The following NID2 variants were observed in gnomAD, a reference collection of about 807,000 sequenced individuals.
NID2 encodes the protein nidogen 2.
NID2 carries 83 observed loss-of-function variants against 145.4 expected under a neutral mutation model. The observed-to-expected ratio is 0.57, with a 90% CI of 0.48 to 0.69. NID2 has a LOEUF of 0.69. Among genes scored for constraint, NID2 ranks in the 30% least tolerant of loss-of-function variants. NID2 has a pLI of 0.00. For synonymous variants in NID2, 739 were observed against 701.3 expected (o/e 1.05, Z -0.85); for missense variants, 1,807 against 1,765.7 (o/e 1.02, Z -0.42).
chr14:52,068,310 C>G (rs1262811574), intron 1 of NID2, 147 bp from the exon 2 acceptor site: 1 of 837,480 alleles, frequency 1.2e-6, no homozygotes, highest in African/African-American at 1.7e-5. Context: ...GGGAAACAAG[C>G]GCAACTTTTG....
intron 10 of NID2, 137 bp from the exon 11 acceptor site, chr14:52,028,987 T>C: frequency 2.5e-6 from 2 of 802,866 alleles, no homozygotes; most frequent in Non-Finnish European, 3.7e-6. Flanking sequence ...TTTTTAAAAA[T>C]CAGATATGAA....
At chr14:52,062,562 A>G (rs188731848) in intron 2 of NID2, among the ~76,000 whole-genome samples, 2 of 152,344 alleles carry the variant, frequency 1.3e-5, no homozygotes, top group African/African-American at 2.4e-5. Flanking sequence ...AAAGAAAAGT[A>G]CTAGAGGAAG....
At chr14:52,057,451 C>T (rs1337871356) in intron 3 of NID2, among the ~76,000 whole-genome samples, 1 of 151,916 alleles carries the variant, frequency 6.6e-6, no homozygotes, top group East Asian at 1.9e-4. Context: ...ACCCATAATC[C>T]CTGCACTTTG....
intron 2 of NID2, among the ~76,000 whole-genome samples, chr14:52,061,936 A>G (rs2035074838): frequency 6.6e-6 from 1 of 152,182 alleles, no homozygotes; most frequent in African/African-American, 2.4e-5. Context: ...TTCACAAATA[A>G]TGTGACTCTT....
intron 5 of NID2, among the ~76,000 whole-genome samples, chr14:52,047,871 C>T (rs1019772098): frequency 6.6e-6 from 1 of 152,170 alleles, no homozygotes; most frequent in African/African-American, 2.4e-5. Flanking sequence ...CGGAGAGCTG[C>T]ATTTCTCCCG....
At chr14:52,022,982 T>G (rs1374160706) in intron 12 of NID2, among the ~76,000 whole-genome samples, 2 of 152,202 alleles carry the variant, frequency 1.3e-5, no homozygotes, top group African/African-American at 4.8e-5. Context: ...TTGGGCACCC[T>G]GCTGATTGTA....
At chr14:52,046,023 G>A (rs1892478378) in intron 5 of NID2, among the ~76,000 whole-genome samples, 1 of 152,134 alleles carries the variant, frequency 6.6e-6, no homozygotes, top group Admixed American at 6.5e-5. Context: ...TCTGCTATAG[G>A]TCTAAAGAAC....
intron 3 of NID2, among the ~76,000 whole-genome samples, chr14:52,058,061 C>A (rs76318951): frequency 2.6e-5 from 4 of 152,102 alleles, no homozygotes; most frequent in Non-Finnish European, 5.9e-5. Context: ...TAGGGAGAAA[C>A]GAGAATGTGA....
intron 19 of NID2, 91 bp from the exon 20 acceptor site, chr14:52,006,751 G>T (rs1890801130): frequency 7.3e-7 from 1 of 1,375,552 alleles, no homozygotes; most frequent in East Asian, 2.3e-5. Flanking sequence ...ATAGAATGGG[G>T]AAATAGGATA....
intron 14 of NID2, among the ~76,000 whole-genome samples, chr14:52,018,479 G>A (rs17124893): frequency 0.38 from 57,186 of 152,076 alleles, 11,125 homozygotes; most frequent in East Asian, 0.52. Context: ...ATGTTCTCAG[G>A]TTGTATGGGC....
intron 5 of NID2, among the ~76,000 whole-genome samples, chr14:52,049,393 G>C (rs1405487419): frequency 6.6e-6 from 1 of 152,108 alleles, no homozygotes; most frequent in African/African-American, 2.4e-5. Flanking sequence ...AAACACTTAA[G>C]CACCTGTCTG....
rs1566755739 is a variant in NID2, at chr14:52,030,585, A to AAGGAAGG, written c.2258-896_2258-895insCCTTCCT. The stretch of plus-strand genomic sequence containing the variant: ...GAAAGAAAGGAAGGAAGGGAAAGAA[A>AAGGAAGG]GAAAGAAAGAAAGAAAGAAAGAGAA... On this transcript the variant is annotated intron_variant, in intron 9 of 21. Coordinates refer to ENST00000216286, the MANE Select transcript of NID2 (RefSeq NM_007361.4). Among the ~76,000 whole-genome samples the AAGGAAGG allele has an allele frequency of 2.7e-3, 110 of 40,470 alleles. 6 individuals carry two copies. The highest frequency in any genetic ancestry group is 5.9e-3 in the East Asian group (5 of 852). 26.5% of individuals were successfully genotyped at this position (40,470 alleles called of 152,430 possible).
At chr14:52,049,180 T>TG (rs1892605126) in intron 5 of NID2, among the ~76,000 whole-genome samples, 2 of 122,744 alleles carry the variant, frequency 1.6e-5, no homozygotes, top group East Asian at 4.2e-4. Context: ...TCTCTTTTTT[T>TG]TCTATTTAAT....
Position 52,028,823 on chromosome 14 carries a change from T to A in NID2, c.2429A>T (p.His810Leu). 1 of 1,613,868 alleles carries A rather than the reference T, an allele frequency of 6.2e-7. No individual in the cohort carries two copies. Among genetic ancestry groups the A allele is most frequent in the South Asian group, 1.1e-5 (1 of 91,008 alleles). ...ACATACAGAGTTGGGGCCACAGCGATGAAAGCCAGTTGCACATTCATTTTC... is the reference window on the plus strand; with the variant it reads ...ACATACAGAGTTGGGGCCACAGCGAAGAAAGCCAGTTGCACATTCATTTTC... ...VDENECATGF[H>L]RCGPNSVCIN... is the part of the protein sequence containing the mutation. Residue 810 changes from histidine to leucine, a missense_variant, in exon 11 of 22, where the codon CAT (histidine) becomes CTT (leucine). Transcript: ENST00000216286.
intron 3 of NID2, among the ~76,000 whole-genome samples, chr14:52,058,819 C>T (rs1892935460): frequency 6.6e-6 from 1 of 151,876 alleles, no homozygotes; most frequent in Non-Finnish European, 1.5e-5. Context: ...GCCATTGTGA[C>T]CTCTCTATAA....
At chr14:52,033,617 AC>A (rs1891952704) in intron 9 of NID2, among the ~76,000 whole-genome samples, 3 of 152,246 alleles carry the variant, frequency 2.0e-5, no homozygotes, top group African/African-American at 2.4e-5. Context: ...AATTCCAACA[AC>A]TATCGTTCCC....
At chr14:52,023,247 G>A (rs867882983) in intron 12 of NID2, among the ~76,000 whole-genome samples, 2 of 151,984 alleles carry the variant, frequency 1.3e-5, no homozygotes, top group East Asian at 1.9e-4. Flanking sequence ...GAGGCTGAGG[G>A]GGGTAGATCG....
intron 21 of NID2, 85 bp downstream of exon 21, chr14:52,005,652 A>G: frequency 7.3e-7 from 1 of 1,374,834 alleles, no homozygotes; most frequent in Non-Finnish European, 1.0e-6. Context: ...TGGCAGTGTC[A>G]CAGGCAGCAG....
chr14:52,047,649 G>T (rs994040756), intron 5 of NID2, among the ~76,000 whole-genome samples: 2 of 152,142 alleles, frequency 1.3e-5, no homozygotes, highest in Non-Finnish European at 1.5e-5. Flanking sequence ...AGGTGGAACC[G>T]AGAGGGTTTG....
Sources: gnomAD v4.1 joint callset for allele counts (sites outside exome capture counted in the v4.1 genomes callset) on GRCh38, gnomAD v4.1.1 for gene constraint, MANE v1.5 for transcripts, NCBI Gene and HGNC (gene_info 2026-07-23, HGNC 2026-07-21) for gene names.